CERS6: variants seen among roughly 807,000 people sequenced by gnomAD.
The protein encoded by CERS6 is ceramide synthase 6.
CERS6 carries 26 observed loss-of-function variants against 56.8 expected under a neutral mutation model. The ratio of observed to expected loss-of-function variants is 0.46; its 90% CI spans 0.34 to 0.63. The LOEUF is 0.63. Among genes scored for constraint, CERS6 ranks in the 30% least tolerant of loss-of-function variants. CERS6 has a pLI of 0.01. For synonymous variants in CERS6, 164 were observed against 173.3 expected (o/e 0.95, Z 0.42); for missense variants, 415 against 467.5 (o/e 0.89, Z 1.04).
intron 3 of CERS6, among the ~76,000 whole-genome samples, chr2:168,565,920 C>G (rs571550576): frequency 6.6e-5 from 10 of 152,180 alleles, no homozygotes; most frequent in African/African-American, 2.4e-4. Flanking sequence ...AAGCAGGTGC[C>G]GGTTGGGATT....
chr2:168,734,160 T>C (rs1039389650), intron 8 of CERS6, among the ~76,000 whole-genome samples: 1 of 152,080 alleles, frequency 6.6e-6, no homozygotes, highest in Admixed American at 6.5e-5. Flanking sequence ...GAATTATCCA[T>C]GCAAGGGATT....
At chr2:168,744,583 G>T (rs1317025967) in intron 8 of CERS6, among the ~76,000 whole-genome samples, 1 of 152,086 alleles carries the variant, frequency 6.6e-6, no homozygotes. Context: ...CTATGAGTTG[G>T]GACAGTTTGG....
At chr2:168,609,261 C>T (rs1392336285) in intron 3 of CERS6, among the ~76,000 whole-genome samples, 1 of 152,196 alleles carries the variant, frequency 6.6e-6, no homozygotes, top group Non-Finnish European at 1.5e-5. Flanking sequence ...TCCCAAGTAG[C>T]TGGGACTGTG....
In CERS6 at chr2:168,769,658, A is replaced by G. The variant is rs772522040; in HGVS notation, c.1151A>G (p.Asp384Gly). 2 of 1,610,194 alleles carry G rather than the reference A, an allele frequency of 1.2e-6. No individual in the cohort carries two copies. The highest frequency in any genetic ancestry group is 2.2e-5 in the South Asian group (2 of 89,806). The change falls in exon 10 of 10, where the codon GAT becomes GGT. Residue 384 changes from aspartate (D) to glycine (G), a missense_variant. Physicochemically the swap from Asp to Gly is moderately conservative, Grantham distance 94. Transcript: ENST00000305747. The stretch of plus-strand genomic sequence containing the variant: ...CTGACTGGCTCCTGCTCCATGGATG[A>G]TTAATTACTCAAAACTACAAGTCCC... ...YLLTGSCSMD[D>G]
At chr2:168,635,894 CTT>C (rs1684850450) in intron 4 of CERS6, among the ~76,000 whole-genome samples, 1 of 152,124 alleles carries the variant, frequency 6.6e-6, no homozygotes, top group Non-Finnish European at 1.5e-5. Context: ...GAGATGTTCT[CTT>C]TTGTTTATTG....
intron 4 of CERS6, among the ~76,000 whole-genome samples, chr2:168,668,536 T>G (rs1685825319): frequency 6.7e-6 from 1 of 149,244 alleles, no homozygotes; most frequent in Non-Finnish European, 1.5e-5. Flanking sequence ...AGCCTCTGCC[T>G]CCTGAGATCA....
At chr2:168,738,510 A>G (rs1683783473) in intron 8 of CERS6, among the ~76,000 whole-genome samples, 1 of 152,234 alleles carries the variant, frequency 6.6e-6, no homozygotes, top group Non-Finnish European at 1.5e-5. Context: ...TTGGAACTTC[A>G]GAGAATTTAA....
rs1167422772 is a variant in CERS6 at position 168,743,965 on chromosome 2, A to G, written c.846-21627A>G. On this transcript the variant is annotated intron_variant, in intron 8 of 9. Transcript: ENST00000305747. ...AAAAAAGATAATTTTTAGGAATTGT[A>G]TTGTTACTGTTTTCTTTTTTCTTTT... Among the ~76,000 whole-genome samples the G allele has an allele frequency of 4.1e-5, 3 of 73,402 alleles. No homozygotes were observed. The South Asian group carries it at 1.4e-3, about 35-fold the overall frequency. The allele number at this position is 73,402 out of a possible 152,430, so 48.2% of individuals were successfully genotyped here.
At chr2:168,672,229 C>T (rs1474549601) in intron 4 of CERS6, among the ~76,000 whole-genome samples, 1 of 152,210 alleles carries the variant, frequency 6.6e-6, no homozygotes, top group Non-Finnish European at 1.5e-5. Flanking sequence ...CAGCTCGTTT[C>T]AACTTCATGT....
chr2:168,541,361 T>C (rs1481358874), intron 1 of CERS6, among the ~76,000 whole-genome samples: 2 of 152,246 alleles, frequency 1.3e-5, no homozygotes, highest in African/African-American at 4.8e-5. Flanking sequence ...TTATTTCTTC[T>C]AATATTGTTC....
intron 1 of CERS6, among the ~76,000 whole-genome samples, chr2:168,500,071 C>G (rs1490648354): frequency 6.6e-6 from 1 of 152,082 alleles, no homozygotes; most frequent in Non-Finnish European, 1.5e-5. Flanking sequence ...GTGATACCCC[C>G]AAGAGTATGT....
At chr2:168,668,181 A>T (rs1391846092) in intron 4 of CERS6, among the ~76,000 whole-genome samples, 1 of 152,190 alleles carries the variant, frequency 6.6e-6, no homozygotes, top group East Asian at 1.9e-4. Flanking sequence ...TTGACTTTGC[A>T]TTGTATCCCA....
chr2:168,590,849 G>A (rs1040619667), intron 3 of CERS6, among the ~76,000 whole-genome samples: 3 of 152,126 alleles, frequency 2.0e-5, no homozygotes, highest in African/African-American at 4.8e-5. Flanking sequence ...TTGGAATAAC[G>A]TGCCCAAAGC....
At chr2:168,719,867 T>G (rs1445372699) in intron 8 of CERS6, among the ~76,000 whole-genome samples, 1 of 152,084 alleles carries the variant, frequency 6.6e-6, no homozygotes, top group Non-Finnish European at 1.5e-5. Flanking sequence ...ATACTAAAGG[T>G]TCTTTTTTTT....
intron 3 of CERS6, among the ~76,000 whole-genome samples, chr2:168,575,356 T>A (rs2105391877): frequency 6.6e-6 from 1 of 152,148 alleles, no homozygotes; most frequent in East Asian, 1.9e-4. Context: ...AAACTTACAA[T>A]CATGGCAGAA....
At chr2:168,473,157 A>G (rs1464283320) in intron 1 of CERS6, among the ~76,000 whole-genome samples, 1 of 151,860 alleles carries the variant, frequency 6.6e-6, no homozygotes, top group Non-Finnish European at 1.5e-5. Context: ...TTTCATGTCT[A>G]TCATCTTGTC....
chr2:168,750,983 G>A (rs1684250553), intron 8 of CERS6, among the ~76,000 whole-genome samples: 1 of 152,138 alleles, frequency 6.6e-6, no homozygotes, highest in Non-Finnish European at 1.5e-5. Context: ...TAACTTTCTT[G>A]ATTACCAAAT....
rs112959018 is a variant in CERS6, at chr2:168,603,622, T to G, written c.408-27363T>G. The stretch of plus-strand genomic sequence containing the variant: ...CAGGCATTCCAATGCTCTTTTAACA[T>G]CTTTCAGATGCGGCTACAGGTGTAG... On this transcript the variant is annotated intron_variant, in intron 3 of 9. Transcript: ENST00000305747. Among the ~76,000 whole-genome samples, 170 of 152,350 alleles carry G rather than the reference T, an allele frequency of 1.1e-3. 2 individuals are homozygous for G. The highest frequency in any genetic ancestry group is 4.0e-3 in the African/African-American group (166 of 41,586).
chr2:168,564,425 A>G (rs1006739901), intron 3 of CERS6, among the ~76,000 whole-genome samples: 6 of 152,188 alleles, frequency 3.9e-5, no homozygotes, highest in African/African-American at 9.7e-5. Context: ...GCATACACAT[A>G]GACATTTTGT....
Sources: gnomAD v4.1 joint callset for allele counts (sites outside exome capture counted in the v4.1 genomes callset) on GRCh38, gnomAD v4.1.1 for gene constraint, MANE v1.5 for transcripts, NCBI Gene and HGNC (gene_info 2026-07-23, HGNC 2026-07-21) for gene names.